Variants in MAF observed in about 807,000 individuals in gnomAD.
MAF encodes MAF bZIP transcription factor.
A neutral mutation model predicts 22.0 loss-of-function variants in MAF; 10 were observed. That is an observed-to-expected ratio of 0.45 (90% CI 0.28 to 0.77). The LOEUF (loss-of-function observed/expected upper bound fraction) is 0.77, where lower values mean the gene tolerates loss of function less well. MAF is among the 30% of genes least tolerant of loss of function. The probability of loss-of-function intolerance (pLI) is 0.12; values close to 1 mark genes in which losing one functional copy is unlikely to be tolerated. For synonymous variants in MAF, 337 were observed against 255.8 expected (o/e 1.32, Z -3.03); for missense variants, 544 against 548.4 (o/e 0.99, Z 0.08).
the MAF span, among the ~76,000 whole-genome samples, chr16:79,213,577 C>G: frequency 1.3e-5 from 2 of 152,214 alleles, no homozygotes; most frequent in Non-Finnish European, 2.9e-5. Context: ...TGGGGCTTGC[C>G]TTTCCTTGTT....
the MAF span, among the ~76,000 whole-genome samples, chr16:79,482,726 G>A: frequency 2.0e-5 from 3 of 152,022 alleles, no homozygotes; most frequent in Non-Finnish European, 2.9e-5. Flanking sequence ...CCAGTGCCCC[G>A]CTGAGCAGGG....
chr16:79,212,280 A>T, the MAF span: 1 of 1,188,146 alleles, frequency 8.4e-7, no homozygotes, highest in Non-Finnish European at 1.1e-6. Flanking sequence ...CCTGACCAAG[A>T]CTGAGCCAGC....
chr16:79,552,185 G>A, the MAF span, among the ~76,000 whole-genome samples: 1 of 151,478 alleles, frequency 6.6e-6, no homozygotes, highest in African/African-American at 2.4e-5. Context: ...CTGCTGCCTT[G>A]TTCTTCTGAA....
the MAF span, among the ~76,000 whole-genome samples, chr16:79,389,702 C>T: frequency 6.6e-6 from 1 of 152,062 alleles, no homozygotes; most frequent in South Asian, 2.1e-4. Flanking sequence ...TCAGGCCGGG[C>T]ATGGTGGCTC....
the MAF span, among the ~76,000 whole-genome samples, chr16:79,434,398 G>A: frequency 6.6e-6 from 1 of 152,112 alleles, no homozygotes; most frequent in Non-Finnish European, 1.5e-5. Flanking sequence ...TGCTCTCATG[G>A]TGGCTGATTT....
chr16:79,246,016 A>G, the MAF span, among the ~76,000 whole-genome samples: 3 of 151,766 alleles, frequency 2.0e-5, no homozygotes, highest in Admixed American at 6.6e-5. Context: ...ATGAGAACAC[A>G]TGGACACAAG....
the MAF span, among the ~76,000 whole-genome samples, chr16:79,321,299 G>A: frequency 3.3e-5 from 5 of 152,204 alleles, no homozygotes; most frequent in Non-Finnish European, 7.3e-5. Context: ...TAGGGGAATG[G>A]AATCCATCAC....
the MAF span, among the ~76,000 whole-genome samples, chr16:79,322,139 G>C: frequency 3.3e-5 from 5 of 152,126 alleles, no homozygotes; most frequent in African/African-American, 1.2e-4. Flanking sequence ...GGCTGAGGTA[G>C]GAGAATTGCT....
At chr16:79,490,867 T>C in the MAF span, among the ~76,000 whole-genome samples, 114 of 152,330 alleles carry the variant, frequency 7.5e-4, no homozygotes, top group African/African-American at 2.5e-3. Flanking sequence ...AAATGGGCTC[T>C]GTGATGTCAG....
chr16:79,237,256 G>C, the MAF span, among the ~76,000 whole-genome samples: 1 of 152,046 alleles, frequency 6.6e-6, no homozygotes, highest in East Asian at 1.9e-4. Context: ...AAGACAGGGA[G>C]CCACGGAAAC....
the MAF span, among the ~76,000 whole-genome samples, chr16:79,549,226 G>A: frequency 6.7e-6 from 1 of 149,934 alleles, no homozygotes; most frequent in Non-Finnish European, 1.5e-5. Flanking sequence ...AGCAGTCATG[G>A]CGTGCCCAAC....
At chr16:79,319,659 C>T in the MAF span, among the ~76,000 whole-genome samples, 22 of 152,048 alleles carry the variant, frequency 1.4e-4, no homozygotes, top group African/African-American at 5.3e-4. Flanking sequence ...CTTATTTCTC[C>T]ATTGATTTAT....
At chr16:79,576,231 TAAAAAAAAAA>T in the MAF span, among the ~76,000 whole-genome samples, 8 of 43,020 alleles carry the variant, frequency 1.9e-4, no homozygotes, top group South Asian at 5.2e-3. Flanking sequence ...CCTGTGGTAC[TAAAAAAAAAA>T]AAAAAAAAAA....
chr16:79,557,312 A>C, the MAF span, among the ~76,000 whole-genome samples: 1 of 152,016 alleles, frequency 6.6e-6, no homozygotes, highest in African/African-American at 2.4e-5. Context: ...CAAGATCAGC[A>C]GTTTGAGGGT....
chr16:79,527,730 A>G, the MAF span, among the ~76,000 whole-genome samples: 1 of 152,234 alleles, frequency 6.6e-6, no homozygotes, highest in Non-Finnish European at 1.5e-5. Flanking sequence ...AGTTCACTTC[A>G]GTTTGAAGAA....
the MAF span, among the ~76,000 whole-genome samples, chr16:79,440,539 G>A: frequency 1.3e-5 from 2 of 152,082 alleles, no homozygotes; most frequent in South Asian, 2.1e-4. Flanking sequence ...AGGTTCAAAC[G>A]ATTCTCCTGC....
At chr16:79,259,204 C>T in the MAF span, among the ~76,000 whole-genome samples, 414 of 152,296 alleles carry the variant, frequency 2.7e-3, 1 homozygote, top group Non-Finnish European at 4.3e-3. Context: ...CTTCTCCCTT[C>T]CTGGCTCTGC....
At chr16:79,462,065 T>A in the MAF span, among the ~76,000 whole-genome samples, 2 of 152,172 alleles carry the variant, frequency 1.3e-5, no homozygotes, top group Non-Finnish European at 2.9e-5. Context: ...GCTCTCTCTG[T>A]TTTCCCCGCC....
At chr16:79,292,984 G>A in the MAF span, among the ~76,000 whole-genome samples, 1 of 152,154 alleles carries the variant, frequency 6.6e-6, no homozygotes, top group Non-Finnish European at 1.5e-5. Flanking sequence ...CCCTTTGCCA[G>A]AAAACTCATG....
Sources: allele counts gnomAD v4.1 joint callset (sites outside exome capture counted in the v4.1 genomes callset), GRCh38; gene constraint gnomAD v4.1.1; transcripts MANE v1.5; gene names NCBI Gene and HGNC (gene_info 2026-07-23, HGNC 2026-07-21).